Variants in MAGI2 observed in about 807,000 individuals in gnomAD.
The protein encoded by MAGI2 is membrane associated guanylate kinase, WW and PDZ domain containing 2, also known as membrane-associated guanylate kinase, WW and PDZ domain-containing protein 2.
MAGI2 carries 35 observed loss-of-function variants against 133.3 expected under a neutral mutation model. That is an observed-to-expected ratio of 0.26 (90% CI 0.20 to 0.35). The LOEUF is 0.35. Ranked by LOEUF, MAGI2 falls within the 10% of genes least tolerant of loss-of-function variation. The pLI is 1.00. For missense variants in MAGI2, 1,636 were observed against 1,863.4 expected (o/e 0.88, Z 2.25); for synonymous variants, 729 against 710.6 (o/e 1.03, Z -0.41).
chr7:78,732,041 A>G (rs1821412435), intron 2 of MAGI2, among the ~76,000 whole-genome samples: 1 of 152,146 alleles, frequency 6.6e-6, no homozygotes, highest in African/African-American at 2.4e-5. Context: ...AAGCAATAAA[A>G]CAGGCAAAAG....
intron 1 of MAGI2, among the ~76,000 whole-genome samples, chr7:79,254,814 G>A (rs1833570848): frequency 6.6e-6 from 1 of 152,172 alleles, no homozygotes; most frequent in South Asian, 2.1e-4. Context: ...ACAATAGAAA[G>A]TAAATGCTTG....
intron 10 of MAGI2, among the ~76,000 whole-genome samples, chr7:78,240,378 C>T (rs1255074987): frequency 6.6e-6 from 1 of 152,070 alleles, no homozygotes; most frequent in East Asian, 1.9e-4. Flanking sequence ...TTTATTGAAG[C>T]ACTACTCATA....
intron 1 of MAGI2, among the ~76,000 whole-genome samples, chr7:79,238,460 A>G (rs1832103231): frequency 6.6e-6 from 1 of 152,140 alleles, no homozygotes; most frequent in Non-Finnish European, 1.5e-5. Context: ...ATGTTTATAA[A>G]CTAGTATTAT....
intron 6 of MAGI2, chr7:78,484,906 G>A (rs923240154): frequency 6.7e-6 from 1 of 149,362 alleles, no homozygotes; most frequent in East Asian, 2.0e-4. Flanking sequence ...TTAGGGTTTG[G>A]AACAGCTTTT....
At chr7:78,146,965 G>A (rs1020721891) in intron 16 of MAGI2, among the ~76,000 whole-genome samples, 6 of 152,076 alleles carry the variant, frequency 3.9e-5, no homozygotes, top group African/African-American at 7.2e-5. Flanking sequence ...CAAGCCCTCC[G>A]GCAGATAATA....
At chr7:78,330,615 CAAAAAAAAA>C (rs4024122) in intron 9 of MAGI2, among the ~76,000 whole-genome samples, 19 of 6,938 alleles carry the variant, frequency 2.7e-3, no homozygotes, top group South Asian at 0.012. Flanking sequence ...GACTCCGTCT[CAAAAAAAAA>C]AAAAAAAAAA....
chr7:78,944,779 C>T (rs1156295079), intron 2 of MAGI2, among the ~76,000 whole-genome samples: 1 of 151,854 alleles, frequency 6.6e-6, no homozygotes, highest in Non-Finnish European at 1.5e-5. Context: ...CTCTGCTGTC[C>T]AGGCTGGAGT....
At chr7:78,564,831 T>C (rs1800773201) in intron 3 of MAGI2, among the ~76,000 whole-genome samples, 1 of 138,834 alleles carries the variant, frequency 7.2e-6, no homozygotes, top group Non-Finnish European at 1.5e-5. Flanking sequence ...TCTTGCTCTG[T>C]GGCCCAGGCT....
At chr7:78,238,644 T>C (rs930213289) in intron 10 of MAGI2, among the ~76,000 whole-genome samples, 1 of 152,166 alleles carries the variant, frequency 6.6e-6, no homozygotes, top group African/African-American at 2.4e-5. Context: ...TCTTACCTCA[T>C]CCACTCCTAA....
chr7:78,898,798 C>T (rs1797399689), intron 2 of MAGI2, among the ~76,000 whole-genome samples: 1 of 152,128 alleles, frequency 6.6e-6, no homozygotes, highest in African/African-American at 2.4e-5. Context: ...TACCCCTGAA[C>T]TTAAAAGTTT....
intron 9 of MAGI2, among the ~76,000 whole-genome samples, chr7:78,301,378 C>T (rs1024650204): frequency 6.6e-6 from 1 of 152,212 alleles, no homozygotes; most frequent in Non-Finnish European, 1.5e-5. Flanking sequence ...GACACAAACG[C>T]TCTTAAGACA....
At chr7:78,062,518 C>T (rs1303146471) in intron 21 of MAGI2, among the ~76,000 whole-genome samples, 1 of 152,216 alleles carries the variant, frequency 6.6e-6, no homozygotes, top group Non-Finnish European at 1.5e-5. Flanking sequence ...TTTGAAGCCC[C>T]TCTCTGGCTT....
At chr7:78,740,245 C>T (rs1247379017) in intron 2 of MAGI2, among the ~76,000 whole-genome samples, 3 of 151,536 alleles carry the variant, frequency 2.0e-5, no homozygotes, top group Admixed American at 6.6e-5. Context: ...CTCTTTTATT[C>T]CCTTATCCTT....
chr7:79,118,850 T>C (rs1819635199), intron 1 of MAGI2, among the ~76,000 whole-genome samples: 1 of 152,128 alleles, frequency 6.6e-6, no homozygotes, highest in Non-Finnish European at 1.5e-5. Context: ...TATATATCAA[T>C]TAAGAAAGAA....
chr7:78,623,597 A>T (rs1250718448), intron 3 of MAGI2, among the ~76,000 whole-genome samples: 1 of 152,036 alleles, frequency 6.6e-6, no homozygotes, highest in African/African-American at 2.4e-5. Context: ...TTTCCTGGGT[A>T]TTTTTGCCTA....
intron 2 of MAGI2, among the ~76,000 whole-genome samples, chr7:78,820,728 A>G (rs985832672): frequency 5.9e-5 from 9 of 151,980 alleles, no homozygotes; most frequent in Non-Finnish European, 1.2e-4. Flanking sequence ...TCTGTTTTCA[A>G]TGATGAATAG....
At chr7:78,819,771 A>G (rs1358166977) in intron 2 of MAGI2, among the ~76,000 whole-genome samples, 1 of 152,044 alleles carries the variant, frequency 6.6e-6, no homozygotes, top group African/African-American at 2.4e-5. Flanking sequence ...CCATTAACCC[A>G]TACATGAAAG....
chr7:79,146,985 A>G (rs908684010), intron 1 of MAGI2, among the ~76,000 whole-genome samples: 5 of 152,186 alleles, frequency 3.3e-5, no homozygotes, highest in African/African-American at 9.6e-5. Context: ...AGATTACTTG[A>G]GAGATATCAA....
At chr7:78,057,257 T>C (rs1336564565) in intron 21 of MAGI2, among the ~76,000 whole-genome samples, 1 of 152,152 alleles carries the variant, frequency 6.6e-6, no homozygotes. Flanking sequence ...TATTTTTATT[T>C]TTGAGATGGA....
Sources: allele counts gnomAD v4.1 joint callset (sites outside exome capture counted in the v4.1 genomes callset), GRCh38; gene constraint gnomAD v4.1.1; transcripts MANE v1.5; gene names NCBI Gene and HGNC (gene_info 2026-07-23, HGNC 2026-07-21).